Variants in CYREN observed in about 807,000 individuals in gnomAD.
CYREN encodes the protein cell cycle regulator of NHEJ, also known as cell cycle regulator of non-homologous end joining.
A neutral mutation model predicts 9.7 loss-of-function variants in CYREN; 7 were observed. The ratio of observed to expected loss-of-function variants is 0.72; its 90% CI spans 0.41 to 1.36. The LOEUF is 1.36. Among genes scored for constraint, CYREN ranks in the 40% most tolerant of loss-of-function variants. The pLI is 0.01. For missense variants in CYREN, 215 were observed against 198.1 expected (o/e 1.09, Z -0.51); for synonymous variants, 76 against 77.9 (o/e 0.98, Z 0.13).
intron 2 of CYREN, among the ~76,000 whole-genome samples, chr7:135,125,224 T>G (rs1827707858): frequency 6.6e-6 from 1 of 151,928 alleles, no homozygotes; most frequent in Non-Finnish European, 1.5e-5. Context: ...TCACCACTGA[T>G]CCCACAGAAA....
intron 2 of CYREN, among the ~76,000 whole-genome samples, chr7:135,110,189 G>C (rs928149277): frequency 1.2e-4 from 19 of 152,074 alleles, no homozygotes; most frequent in Admixed American, 2.6e-4. Flanking sequence ...CTCTGTCTCA[G>C]GGAGGTACAA....
At chr7:135,131,664 TAAACTC>T (rs904458349) in intron 2 of CYREN, among the ~76,000 whole-genome samples, 12 of 150,690 alleles carry the variant, frequency 8.0e-5, no homozygotes, top group African/African-American at 2.9e-4. Flanking sequence ...GAAAAGCAAA[TAAACTC>T]AAAGCAAGCA....
chr7:135,169,491 A>C (rs1830491087), intron 1 of CYREN: 1 of 152,248 alleles, frequency 6.6e-6, no homozygotes, highest in Admixed American at 6.5e-5. Flanking sequence ...CAGTTAAATG[A>C]AACTGAGGGC....
intron 2 of CYREN, among the ~76,000 whole-genome samples, chr7:135,100,653 G>A (rs536114311): frequency 6.6e-6 from 1 of 152,314 alleles, no homozygotes; most frequent in Admixed American, 6.5e-5. Flanking sequence ...AGACCAACAT[G>A]TAAAGCATCT....
At chr7:135,165,170 G>A (rs1338782898), downstream of CYREN, 3 of 685,212 alleles carry the variant, frequency 4.4e-6, no homozygotes, top group Non-Finnish European at 2.4e-6. Context: ...GGGCAGCCAG[G>A]GCACCTGTGA....
At chr7:135,092,462 A>G (rs1424136718) in exon 3 of CYREN, 1 of 152,050 alleles carries the variant, frequency 6.6e-6, no homozygotes, top group Non-Finnish European at 1.5e-5. Flanking sequence ...TAATCTTTCC[A>G]TTGTTGTTCA....
chr7:135,144,921 A>C (rs1210310693), intron 2 of CYREN, among the ~76,000 whole-genome samples: 3 of 131,532 alleles, frequency 2.3e-5, no homozygotes, highest in Non-Finnish European at 4.8e-5. Flanking sequence ...TGACAGAGAG[A>C]CCCTGTCTCA....
chr7:135,161,094 TA>T (rs1829924879), downstream of CYREN, among the ~76,000 whole-genome samples: 1 of 152,162 alleles, frequency 6.6e-6, no homozygotes, highest in South Asian at 2.1e-4. This position sits in a 1 kb window ranked among gnomAD's most constrained non-coding sequence, Gnocchi z 4.1. Flanking sequence ...GCGAGCCTCA[TA>T]AGAGCTGGGA....
chr7:135,123,698 G>A (rs1193580858), intron 2 of CYREN, among the ~76,000 whole-genome samples: 3 of 152,152 alleles, frequency 2.0e-5, no homozygotes, highest in African/African-American at 7.2e-5. Context: ...GGCCCTCTCA[G>A]CAGAAACTCT....
chr7:135,171,903 G>A (rs527401848), upstream of CYREN, among the ~76,000 whole-genome samples: 3 of 152,256 alleles, frequency 2.0e-5, no homozygotes, highest in Non-Finnish European at 4.4e-5. Context: ...GCAGGCTCCC[G>A]AGAAGGATTA....
chr7:135,128,964 A>G (rs1197292495), intron 2 of CYREN: 2 of 1,581,306 alleles, frequency 1.3e-6, no homozygotes, highest in East Asian at 2.2e-5. Context: ...TAGTGAATGC[A>G]TGTACTTCTT....
At chr7:135,128,686 T>C (rs1828303072) in intron 2 of CYREN, 1 of 1,294,916 alleles carries the variant, frequency 7.7e-7, no homozygotes, top group Admixed American at 1.7e-5. Flanking sequence ...CTGAATATTG[T>C]CTCTCCTTTT....
At chr7:135,130,423 A>G (rs1052757737) in intron 2 of CYREN, among the ~76,000 whole-genome samples, 3 of 152,136 alleles carry the variant, frequency 2.0e-5, no homozygotes, top group Non-Finnish European at 2.9e-5. Flanking sequence ...TTTAAGTTCT[A>G]TTCAACTTTC....
chr7:135,160,538 C>T (rs993206999), intron 2 of CYREN, among the ~76,000 whole-genome samples: 5 of 152,168 alleles, frequency 3.3e-5, no homozygotes, highest in Non-Finnish European at 1.5e-5. Context: ...GACTTCCACC[C>T]TCTCCATACA....
chr7:135,109,562 G>C (rs1825305506), intron 2 of CYREN, among the ~76,000 whole-genome samples: 1 of 152,194 alleles, frequency 6.6e-6, no homozygotes, highest in Non-Finnish European at 1.5e-5. Context: ...AGCACCTGAA[G>C]GTACCAACAA....
chr7:135,144,718 C>A (rs1829510659), intron 2 of CYREN, among the ~76,000 whole-genome samples: 1 of 151,524 alleles, frequency 6.6e-6, no homozygotes, highest in Non-Finnish European at 1.5e-5. Flanking sequence ...GAGTGTTAGA[C>A]CAGCCTGGGC....
At chr7:135,120,416 A>T (rs573022357) in intron 2 of CYREN, among the ~76,000 whole-genome samples, 40 of 152,334 alleles carry the variant, frequency 2.6e-4, no homozygotes, top group African/African-American at 9.4e-4. Flanking sequence ...TAAGTTATGC[A>T]TATGTAGTAT....
chr7:135,101,892 C>T (rs2348269), intron 2 of CYREN, among the ~76,000 whole-genome samples: 141,533 of 152,068 alleles, frequency 0.93, 66,643 homozygotes, highest in Non-Finnish European at 1. Context: ...ATGGAGGCGG[C>T]GTCCCCCATG....
intron 2 of CYREN, among the ~76,000 whole-genome samples, chr7:135,157,743 G>C (rs898329240): frequency 6.6e-6 from 1 of 152,248 alleles, no homozygotes; most frequent in Non-Finnish European, 1.5e-5. Flanking sequence ...CAGTCTCACA[G>C]CCACCTGTAG....
Sources: gnomAD v4.1 joint callset for allele counts (sites outside exome capture counted in the v4.1 genomes callset) on GRCh38, gnomAD v4.1.1 for gene constraint, Gnocchi (gnomAD v3.1) non-coding constraint, MANE v1.5 for transcripts, NCBI Gene and HGNC (gene_info 2026-07-23, HGNC 2026-07-21) for gene names.